Variants in PTPRS observed in about 807,000 individuals in gnomAD.
PTPRS encodes protein tyrosine phosphatase receptor type S.
In PTPRS, 63 loss-of-function variants were observed where a neutral mutation model predicts 215.3. The observed-to-expected ratio is 0.29, with a 90% CI of 0.24 to 0.36. The LOEUF is 0.36. Ranked by LOEUF, PTPRS falls within the 10% of genes least tolerant of loss-of-function variation. The pLI is 1.00. For synonymous variants in PTPRS, 1,404 were observed against 1,191.4 expected, an observed-to-expected ratio of 1.18 and a Z score of -3.68; for missense variants, 2,258 against 2,825.8, an observed-to-expected ratio of 0.80 and a Z score of 4.56.
In PTPRS at chr19:5,222,963, G is replaced by A. The variant is rs778995010; in HGVS notation, c.2829C>T (p.Ala943=). Residue 943 remains alanine, a synonymous_variant, in exon 18 of 38, where the codon GCC becomes GCT. Coordinates refer to ENST00000262963, the MANE Select transcript of PTPRS (RefSeq NM_002850.4). Reference sequence around the variant, plus strand: ...GCAGCCAGCGGAGAAGGACGGTCCCGGCCGAGGCGTTGCCGGCCGCCTCCA... The same window carrying A: ...GCAGCCAGCGGAGAAGGACGGTCCCAGCCGAGGCGTTGCCGGCCGCCTCCA... ...QILEAAGNAS[A]GTVLLRWLPP... is the part of the protein sequence containing the mutation. The A allele has an allele frequency of 3.1e-4, 486 of 1,545,054 alleles. No homozygotes were observed. The highest frequency in any genetic ancestry group is 8.7e-4 in the Admixed American group (45 of 51,760).
At chr19:5,283,743 G>A (rs1183455599) in intron 2 of PTPRS, among the ~76,000 whole-genome samples, 1 of 152,128 alleles carries the variant, frequency 6.6e-6, no homozygotes, top group Non-Finnish European at 1.5e-5. Flanking sequence ...TGGTCATTGG[G>A]AACTTGGCCT....
intron 11 of PTPRS, among the ~76,000 whole-genome samples, chr19:5,241,873 T>C (rs562305690): frequency 1.2e-4 from 18 of 152,170 alleles, no homozygotes; most frequent in Non-Finnish European, 2.2e-4. Context: ...TTCGCTCTTG[T>C]TGCCCAGACT....
chr19:5,220,020 A>G lies in PTPRS; in HGVS notation c.3684T>C (p.Tyr1228=). Residue 1228 remains tyrosine, a synonymous_variant, in exon 22 of 38, where the codon TAT becomes TAC. Transcript: ENST00000262963. ...PTFHPGDQKQ[Y]GGFDNRGLEP... The stretch of plus-strand genomic sequence containing the variant: ...CCAGGCCCCGGTTATCGAAGCCGCC[A>G]TACTGCTTCTGGTCGCCGGGATGGA... The G allele has an allele frequency of 6.2e-7, 1 of 1,614,086 alleles. No homozygotes were observed. Among genetic ancestry groups the G allele is most frequent in the Non-Finnish European group, 8.5e-7 (1 of 1,180,034 alleles).
At chr19:5,274,080 T>C in intron 3 of PTPRS, 119 bp downstream of exon 3, 4 of 1,391,204 alleles carry the variant, frequency 2.9e-6, no homozygotes, top group Non-Finnish European at 2.9e-6. Context: ...CATGCTTGCT[T>C]GGCCACAGAT....
At chr19:5,231,722 A>G (rs576091987) in intron 13 of PTPRS, 107 bp from the exon 14 acceptor site, 36 of 558,764 alleles carry the variant, frequency 6.4e-5, no homozygotes, top group Admixed American at 6.0e-4. Context: ...AAAGAAGATG[A>G]TAACAAACAA....
At chr19:5,231,169 G>C (rs910076245) in intron 14 of PTPRS, 141 bp downstream of exon 14, 40 of 900,470 alleles carry the variant, frequency 4.4e-5, no homozygotes, top group Non-Finnish European at 6.0e-5. Context: ...CGGATTTCTC[G>C]GGGAGGCTGC....
intron 16 of PTPRS, among the ~76,000 whole-genome samples, chr19:5,228,797 A>C (rs1371658793): frequency 1.3e-5 from 2 of 152,210 alleles, no homozygotes; most frequent in Non-Finnish European, 2.9e-5. Flanking sequence ...TGGGGTTGTA[A>C]CCAGGCTATC....
intron 9 of PTPRS, among the ~76,000 whole-genome samples, chr19:5,254,550 G>C (rs953602968): frequency 6.6e-6 from 1 of 152,164 alleles, no homozygotes; most frequent in Non-Finnish European, 1.5e-5. Flanking sequence ...GAGAAAGAGA[G>C]TTGAAAAAGA....
chr19:5,308,211 G>T (rs2049565714), intron 1 of PTPRS, among the ~76,000 whole-genome samples: 1 of 152,298 alleles, frequency 6.6e-6, no homozygotes, highest in East Asian at 1.9e-4. Flanking sequence ...CGCCCGGAGG[G>T]CCTGGTTCCC....
intron 16 of PTPRS, among the ~76,000 whole-genome samples, chr19:5,227,038 G>A (rs928073508): frequency 6.6e-5 from 10 of 152,044 alleles, no homozygotes; most frequent in Admixed American, 5.2e-4. Context: ...CCCACCCAGA[G>A]AGCTGATTTT....
At position 5,310,271 on chromosome 19, in the gene PTPRS, A is replaced by G. The variant is rs568614519; in HGVS notation, c.-94-24037T>C. On this transcript the variant is annotated intron_variant, in intron 1 of 37. Coordinates refer to ENST00000262963, the MANE Select transcript of PTPRS (RefSeq NM_002850.4). ...AGGCCTGTCTTGATTCTGTAGCTAA[A>G]ACAGCCCCTCCCTGCCACCAACCAA... 1.6e-4 allele frequency among the ~76,000 whole-genome samples: 24 copies of G among 151,254 alleles called. No individual in the cohort carries two copies. In the East Asian group the frequency reaches 4.5e-3, roughly 28 times the overall value.
At chr19:5,281,570 C>T (rs2047852687) in intron 2 of PTPRS, among the ~76,000 whole-genome samples, 1 of 152,212 alleles carries the variant, frequency 6.6e-6, no homozygotes, top group African/African-American at 2.4e-5. Flanking sequence ...CTTCCACATC[C>T]AGAACTTGAG....
intron 1 of PTPRS, among the ~76,000 whole-genome samples, chr19:5,319,477 A>C (rs950944783): frequency 7.6e-6 from 1 of 131,736 alleles, no homozygotes; most frequent in African/African-American, 2.9e-5. Flanking sequence ...CCCACCACCC[A>C]CCTTTGCCTT....
chr19:5,248,166 C>G (rs1361562986), intron 9 of PTPRS, among the ~76,000 whole-genome samples: 1 of 151,956 alleles, frequency 6.6e-6, no homozygotes, highest in Non-Finnish European at 1.5e-5. Flanking sequence ...AGGTAAGATG[C>G]CAAGGCTGAG....
At chr19:5,274,072 T>C (rs2047151493) in intron 3 of PTPRS, 127 bp downstream of exon 3, 1 of 1,327,972 alleles carries the variant, frequency 7.5e-7, no homozygotes, top group Non-Finnish European at 1.0e-6. Context: ...TGCGCAGCCA[T>C]GCTTGCTTGG....
rs1383967434 is a variant in PTPRS, at chr19:5,252,905, AAAAG to A, written c.718+3199_718+3202del. Among the ~76,000 whole-genome samples, 99 of 151,946 alleles carry A rather than the reference AAAAG, an allele frequency of 6.5e-4. 2 individuals are homozygous for A. In the South Asian group the frequency reaches 0.018, roughly 27 times the overall value. ...AAAAAAAAAAAAAAAAAGTAAAAGA[AAAAG>A]AAAATTCCTCCTGATGTCTCCAGCT... On this transcript the variant is annotated intron_variant, in intron 9 of 37. Coordinates refer to ENST00000262963, the MANE Select transcript of PTPRS (RefSeq NM_002850.4).
At chr19:5,310,274 A>G (rs1403802874) in intron 1 of PTPRS, among the ~76,000 whole-genome samples, 2 of 149,806 alleles carry the variant, frequency 1.3e-5, no homozygotes, top group African/African-American at 4.9e-5. Context: ...TAGCTAAAAC[A>G]GCCCCTCCCT....
intron 26 of PTPRS, among the ~76,000 whole-genome samples, chr19:5,215,954 A>G (rs1356664750): frequency 6.6e-6 from 1 of 152,144 alleles, no homozygotes; most frequent in African/African-American, 2.4e-5. Flanking sequence ...CAGTGCCTCG[A>G]GCCAAGAAGC....
chr19:5,312,977 C>T (rs1387082186), intron 1 of PTPRS, among the ~76,000 whole-genome samples: 5 of 152,282 alleles, frequency 3.3e-5, no homozygotes, highest in African/African-American at 7.2e-5. Flanking sequence ...TGCAGAGGCA[C>T]GATCTCGGCT....
Sources: allele counts gnomAD v4.1 joint callset (sites outside exome capture counted in the v4.1 genomes callset), GRCh38; gene constraint gnomAD v4.1.1; transcripts MANE v1.5; gene names NCBI Gene and HGNC (gene_info 2026-07-23, HGNC 2026-07-21).